Variants in CIITA observed in about 807,000 individuals in gnomAD.
The protein encoded by CIITA is MHC class II transactivator.
Under a neutral mutation model 115.1 loss-of-function variants are expected in CIITA, and 72 were observed. The ratio of observed to expected loss-of-function variants is 0.63; its 90% CI spans 0.52 to 0.76. CIITA has a LOEUF of 0.76. CIITA is among the 30% of genes least tolerant of loss of function. CIITA has a pLI of 0.00. For synonymous variants in CIITA, 763 were observed against 635.6 expected (o/e 1.20, Z -3.02); for missense variants, 1,617 against 1,463.8 (o/e 1.10, Z -1.71).
intron 1 of CIITA, among the ~76,000 whole-genome samples, chr16:10,868,082 C>T (rs929819424): frequency 2.0e-5 from 3 of 152,118 alleles, no homozygotes; most frequent in African/African-American, 4.8e-5. Context: ...TTTCTAAAGA[C>T]GGTGTTTGTT....
chr16:10,916,884 C>A, intron 15 of CIITA: 1 of 349,862 alleles, frequency 2.9e-6, no homozygotes. Flanking sequence ...TATGTGCAGG[C>A]ACCTTTCTAG....
rs2040072234 is a variant in CIITA at position 10,918,310 on chromosome 16, C to T, written c.3063-130C>T. On this transcript the variant is annotated intron_variant, in intron 15 of 19. Coordinates refer to ENST00000324288, the MANE Select transcript of CIITA (RefSeq NM_000246.4). ...GGCCACAGGACCTAACAGTATCCTC[C>T]TATTTACCGAGAGGTAGCTTAAGTC... 8 of 864,970 alleles carry T rather than the reference C, an allele frequency of 9.2e-6. No homozygotes were observed. The South Asian group carries it at 9.3e-5, about 10-fold the overall frequency. The allele number at this position is 864,970 out of a possible 1,614,324, so 53.6% of individuals were successfully genotyped here.
Position 10,929,112 on chromosome 16 carries a change from CA to C in CIITA, c.*5259del. 1 of 726,746 alleles carries C rather than the reference CA, an allele frequency of 1.4e-6. No homozygotes were observed. The highest frequency in any genetic ancestry group is 1.7e-6 in the Non-Finnish European group (1 of 593,824). 45.0% of individuals were successfully genotyped at this position (726,746 alleles called of 1,614,324 possible). On this transcript the variant is annotated 3_prime_UTR_variant, in exon 20 of 20. Coordinates refer to ENST00000324288, the MANE Select transcript of CIITA (RefSeq NM_000246.4). This position sits in a 1 kb window ranked among gnomAD's most constrained non-coding sequence, Gnocchi z 4.3. ...AGCGAGAATCCCACCCTCAGCCCCC[CA>C]ACAGCTTCCTCAGCTTCTTTTTCTT...
At chr16:10,889,279 T>C (rs1025740674) in intron 1 of CIITA, among the ~76,000 whole-genome samples, 2 of 152,074 alleles carry the variant, frequency 1.3e-5, no homozygotes, top group African/African-American at 4.8e-5. Flanking sequence ...TCTATAGACA[T>C]AGGAAACTTG....
chr16:10,900,424 T>C (rs1475893086), intron 5 of CIITA, among the ~76,000 whole-genome samples: 1 of 152,186 alleles, frequency 6.6e-6, no homozygotes, highest in African/African-American at 2.4e-5. Context: ...ATTTGATAAA[T>C]ATTTCCCCCC....
chr16:10,894,225 C>A (rs565244535), intron 1 of CIITA, among the ~76,000 whole-genome samples: 94 of 152,224 alleles, frequency 6.2e-4, no homozygotes, highest in African/African-American at 2.2e-3. Flanking sequence ...AATATGTGAC[C>A]CTTTGTGTCC....
At chr16:10,897,643 A>G (rs2038268154) in intron 3 of CIITA, among the ~76,000 whole-genome samples, 1 of 152,200 alleles carries the variant, frequency 6.6e-6, no homozygotes, top group Non-Finnish European at 1.5e-5. Flanking sequence ...TTAGCTTCTA[A>G]ATGTGTAAAA....
rs2040504367 is a variant in CIITA, at chr16:10,925,705, TACACACACATAC to T, written c.*1859_*1870del. 6.6e-6 allele frequency: 1 copy of T among 152,280 alleles called. No homozygotes were observed. The highest frequency in any genetic ancestry group is 1.5e-5 in the Non-Finnish European group (1 of 68,058). 9.4% of individuals were successfully genotyped at this position (152,280 alleles called of 1,614,324 possible). A position where few individuals can be genotyped will look rare whatever the true frequency, so the allele number is the denominator to read the frequency against. On this transcript the variant is annotated 3_prime_UTR_variant, in exon 20 of 20. Coordinates refer to ENST00000324288, the MANE Select transcript of CIITA (RefSeq NM_000246.4). ...ATGTGCACATGCACGTGTGTGCACGTACACACACATACACACACACGCGTGCACACACCAGAG... is the reference window on the plus strand; with the variant it reads ...ATGTGCACATGCACGTGTGTGCACGTACACACACGCGTGCACACACCAGAG...
chr16:10,904,699 G>C, intron 9 of CIITA, 45 bp from the exon 10 acceptor site: 1 of 1,611,464 alleles, frequency 6.2e-7, no homozygotes. Flanking sequence ...GGGTCCCCAG[G>C]GGTAACCCTC....
upstream of CIITA, chr16:10,877,052 G>A (rs1004851509): frequency 1.7e-6 from 1 of 582,016 alleles, no homozygotes; most frequent in East Asian, 2.9e-5. Flanking sequence ...TGTGGGGAGG[G>A]CTTAAGGGAG....
intron 16 of CIITA, among the ~76,000 whole-genome samples, chr16:10,918,777 G>T (rs1332390985): frequency 6.6e-6 from 1 of 152,218 alleles, no homozygotes; most frequent in African/African-American, 2.4e-5. Context: ...ACAATGCCAG[G>T]TTCTGTTATG....
Position 10,906,777 on chromosome 16 carries a change from T to C in CIITA, c.1285T>C (p.Trp429Arg). ...LGKAGQGKSY[W>R]AGAVSRAWAC... ...CAAAGCTGGTCAGGGCAAGAGCTAT[T>C]GGGCTGGGGCAGTGAGCCGGGCCTG... Residue 429 changes from tryptophan (W) to arginine (R), a missense_variant, in exon 11 of 20, where the codon TGG (tryptophan) becomes CGG (arginine). Physicochemically the swap from Trp to Arg is moderately radical, Grantham distance 101 (BLOSUM62 -3). Coordinates refer to ENST00000324288, the MANE Select transcript of CIITA (RefSeq NM_000246.4). The C allele has an allele frequency of 6.2e-7, 1 of 1,611,624 alleles. No homozygotes were observed. The highest frequency in any genetic ancestry group is 8.5e-7 in the Non-Finnish European group (1 of 1,179,960).
chr16:10,933,643 T>C lies in CIITA; in HGVS notation c.*9788T>C, dbSNP rs1461068454. The C allele has an allele frequency of 6.6e-6, 1 of 152,210 alleles. No homozygotes were observed. The highest frequency in any genetic ancestry group is 1.9e-4 in the East Asian group (1 of 5,194). 9.4% of individuals were successfully genotyped at this position (152,210 alleles called of 1,614,324 possible). ...GAGACATCAGTACAGGGTGGTTCCTTCCCTCCTTAGCCCCACCTGTTCCCA... is the reference window on the plus strand; with the variant it reads ...GAGACATCAGTACAGGGTGGTTCCTCCCCTCCTTAGCCCCACCTGTTCCCA... On this transcript the variant is annotated 3_prime_UTR_variant, in exon 20 of 20. Transcript: ENST00000324288.
At position 10,901,291 on chromosome 16, in the gene CIITA, C is replaced by G. The variant is rs1481852653; in HGVS notation, c.437-223C>G. Among the ~76,000 whole-genome samples the G allele has an allele frequency of 6.6e-6, 1 of 152,148 alleles. No individual in the cohort carries two copies. The highest frequency in any genetic ancestry group is 1.5e-5 in the Non-Finnish European group (1 of 68,014). ...ACCCATGTTGTGTCCCCATTTGTGA[C>G]TCGGCCTCTTCTGCTGCTACACTGC... is the stretch of plus-strand genomic sequence containing the variant. On this transcript the variant is annotated intron_variant, in intron 5 of 19. Coordinates refer to ENST00000324288, the MANE Select transcript of CIITA (RefSeq NM_000246.4). The surrounding 1 kb of genome is among the most constrained non-coding windows in gnomAD (Gnocchi z 6.8).
chr16:10,877,367 C>A lies in CIITA; in HGVS notation c.37C>A (p.Leu13Met), dbSNP rs1235405431. The change falls in exon 1 of 20, where the codon CTG becomes ATG. Residue 13 changes from leucine to methionine, a missense_variant. Leu to Met is a conservative substitution (Grantham distance 15). Coordinates refer to ENST00000324288, the MANE Select transcript of CIITA (RefSeq NM_000246.4). The part of the protein sequence containing the change: ...CLAPRPAGSY[L>M]SEPQGSSQCA... Reference sequence around the variant, plus strand: ...GGCTCCACGCCCTGCTGGGTCCTACCTGTCAGAGCCCCAAGGTAAAAAGGC... The same window carrying A: ...GGCTCCACGCCCTGCTGGGTCCTACATGTCAGAGCCCCAAGGTAAAAAGGC... 1.2e-6 allele frequency: 2 copies of A among 1,613,308 alleles called. No individual in the cohort carries two copies. Among genetic ancestry groups the A allele is most frequent in the African/African-American group, 1.3e-5 (1 of 75,024 alleles).
At chr16:10,904,017 G>T in intron 9 of CIITA, 122 bp downstream of exon 9, 1 of 1,343,622 alleles carries the variant, frequency 7.4e-7, no homozygotes. Flanking sequence ...ATGTTTAGGG[G>T]TCAGTCGGGA....
intron 1 of CIITA, among the ~76,000 whole-genome samples, chr16:10,870,840 T>C (rs993357940): frequency 1.3e-5 from 2 of 152,210 alleles, no homozygotes; most frequent in African/African-American, 4.8e-5. Context: ...CAGACCACTC[T>C]GAGTCTAACA....
rs571916203 is a variant in CIITA at position 10,941,717 on chromosome 16, C to A, written n.843C>A. 3 of 1,605,498 alleles carry A rather than the reference C, an allele frequency of 1.9e-6. No individual in the cohort carries two copies. The highest frequency in any genetic ancestry group is 2.7e-5 in the African/African-American group (2 of 74,502). ...GGAAGAGGGGAACAGCAGTCGAGACCCTACTCCAAGTACGCATCAAAGACG... is the reference window on the plus strand; with the variant it reads ...GGAAGAGGGGAACAGCAGTCGAGACACTACTCCAAGTACGCATCAAAGACG... On this transcript the variant is annotated non_coding_transcript_exon_variant, in exon 2 of 2. Transcript: ENST00000573379. This position sits in a 1 kb window ranked among gnomAD's most constrained non-coding sequence, Gnocchi z 6.4.
intron 2 of CIITA, 111 bp from the exon 3 acceptor site, chr16:10,895,558 C>A (rs905886131): frequency 4.5e-6 from 7 of 1,548,486 alleles, no homozygotes; most frequent in Non-Finnish European, 6.2e-6. Context: ...GTCTGTGGGA[C>A]GCTCTCTGCA....
Sources: allele counts gnomAD v4.1 joint callset (sites outside exome capture counted in the v4.1 genomes callset), GRCh38; gene constraint gnomAD v4.1.1; non-coding constraint Gnocchi (gnomAD v3.1); transcripts MANE v1.5; gene names NCBI Gene and HGNC (gene_info 2026-07-23, HGNC 2026-07-21).